Variants in GSE1 observed in about 807,000 individuals in gnomAD.
The protein encoded by GSE1 is genetic suppressor element 1.
A neutral mutation model predicts 112.6 loss-of-function variants in GSE1; 32 were observed. That is an observed-to-expected ratio of 0.28 (90% CI 0.21 to 0.38). The LOEUF is 0.38. Ranked by LOEUF, GSE1 falls within the 10% of genes least tolerant of loss-of-function variation. The pLI, the probability that GSE1 is intolerant of heterozygous loss-of-function variation, is 1.00. For missense variants in GSE1, 2,348 were observed against 1,699.2 expected (o/e 1.38, Z -6.71); for synonymous variants, 1,115 against 735.6 (o/e 1.52, Z -8.35).
At chr16:85,380,768 C>T (rs571484819) in intron 2 of GSE1, among the ~76,000 whole-genome samples, 3 of 152,296 alleles carry the variant, frequency 2.0e-5, no homozygotes, top group African/African-American at 4.8e-5. Context: ...CATCCAGCCT[C>T]GCAAACAGCC....
intron 1 of GSE1, among the ~76,000 whole-genome samples, chr16:85,319,450 C>T (rs1240168098): frequency 1.3e-5 from 2 of 152,208 alleles, no homozygotes; most frequent in East Asian, 3.9e-4. Context: ...AGAGCCTCCT[C>T]GTCCTCACCC....
chr16:85,222,086 C>T (rs2075403948), intron 1 of GSE1, among the ~76,000 whole-genome samples: 1 of 152,146 alleles, frequency 6.6e-6, no homozygotes, highest in African/African-American at 2.4e-5. Context: ...GGACAGGACA[C>T]TAGTCCTCTC....
intron 9 of GSE1, 106 bp downstream of exon 9, chr16:85,661,871 C>A: frequency 8.5e-7 from 1 of 1,182,670 alleles, no homozygotes; most frequent in South Asian, 1.6e-5. Flanking sequence ...CTGCTTTTTG[C>A]CTGGGGTAGT....
intron 1 of GSE1, among the ~76,000 whole-genome samples, chr16:85,574,841 T>C (rs562506665): frequency 3.9e-5 from 6 of 152,344 alleles, no homozygotes; most frequent in African/African-American, 1.4e-4. Context: ...TCACGGACCC[T>C]TGGGGGCTCC....
intron 6 of GSE1, 123 bp from the exon 7 acceptor site, chr16:85,656,220 C>A: frequency 8.0e-7 from 1 of 1,243,854 alleles, no homozygotes; most frequent in Non-Finnish European, 1.1e-6. Context: ...ACCCGGCTCA[C>A]CTCCCGTCAC....
intron 2 of GSE1, among the ~76,000 whole-genome samples, chr16:85,640,088 G>T (rs1358612933): frequency 6.6e-6 from 1 of 152,206 alleles, no homozygotes; most frequent in Non-Finnish European, 1.5e-5. Context: ...GGACAGTTCT[G>T]AGCAGGTGCT....
chr16:85,635,919 G>A (rs1171368968), intron 2 of GSE1, among the ~76,000 whole-genome samples: 4 of 150,772 alleles, frequency 2.7e-5, no homozygotes, highest in Middle Eastern at 3.4e-3. Context: ...AGCAGCGGCC[G>A]TGGGCGTCAC....
At chr16:85,338,229 C>T (rs1222896715) in intron 1 of GSE1, among the ~76,000 whole-genome samples, 2 of 152,256 alleles carry the variant, frequency 1.3e-5, no homozygotes, top group Non-Finnish European at 2.9e-5. Flanking sequence ...TCTTCCCCCT[C>T]AGCATCTCCA....
At chr16:85,654,514 G>C in intron 4 of GSE1, 64 bp downstream of exon 4, 1 of 1,404,740 alleles carries the variant, frequency 7.1e-7, no homozygotes, top group Non-Finnish European at 9.7e-7. Context: ...CAGGGTCTGG[G>C]TCCCCAGGCA....
At chr16:85,268,239 A>AG (rs371073148) in intron 1 of GSE1, among the ~76,000 whole-genome samples, 2 of 151,486 alleles carry the variant, frequency 1.3e-5, no homozygotes, top group African/African-American at 4.9e-5. Flanking sequence ...GGTGTGGCAC[A>AG]AGGGTTCTAT....
At chr16:85,506,239 C>T (rs1195631949) in intron 2 of GSE1, among the ~76,000 whole-genome samples, 1 of 152,180 alleles carries the variant, frequency 6.6e-6, no homozygotes, top group African/African-American at 2.4e-5. Context: ...ACATGTGGCT[C>T]TCCAGCATTT....
chr16:85,408,445 A>G (rs184732940), intron 2 of GSE1, among the ~76,000 whole-genome samples: 2 of 43,612 alleles, frequency 4.6e-5, no homozygotes, highest in Non-Finnish European at 8.4e-5. Context: ...CCTCACTGTT[A>G]CACTCAGGGA....
intron 1 of GSE1, among the ~76,000 whole-genome samples, chr16:85,254,346 G>T (rs1906835992): frequency 6.6e-6 from 1 of 152,194 alleles, no homozygotes; most frequent in Non-Finnish European, 1.5e-5. Context: ...CTGCAGACCT[G>T]GTTCTCCTGG....
intron 1 of GSE1, among the ~76,000 whole-genome samples, chr16:85,292,597 G>A (rs1313672725): frequency 1.3e-5 from 2 of 152,146 alleles, no homozygotes; most frequent in African/African-American, 4.8e-5. Context: ...AAAGTGCTGG[G>A]ATTACAGGCC....
chr16:85,177,283 A>G (rs917269025), intron 1 of GSE1, among the ~76,000 whole-genome samples: 3 of 152,104 alleles, frequency 2.0e-5, no homozygotes, highest in Non-Finnish European at 4.4e-5. Flanking sequence ...CTCTGCTGGG[A>G]GTGTCTTTGG....
At chr16:85,482,128 G>A (rs2050698647) in intron 2 of GSE1, among the ~76,000 whole-genome samples, 1 of 152,258 alleles carries the variant, frequency 6.6e-6, no homozygotes. Context: ...GCGGCTGTAG[G>A]AGGGAGGCCT....
chr16:85,350,044 T>C (rs142864861), intron 1 of GSE1, among the ~76,000 whole-genome samples: 1 of 152,180 alleles, frequency 6.6e-6, no homozygotes, highest in Admixed American at 6.5e-5. Context: ...TGGGTGACGT[T>C]GGGCAGCTGA....
At chr16:85,266,457 C>T (rs1040364293) in intron 1 of GSE1, among the ~76,000 whole-genome samples, 10 of 152,164 alleles carry the variant, frequency 6.6e-5, no homozygotes, top group African/African-American at 1.7e-4. Flanking sequence ...GCAGGGCTGG[C>T]ACCGAGGGTC....
chr16:85,526,639 C>T (rs2052373620), intron 2 of GSE1, among the ~76,000 whole-genome samples: 1 of 152,194 alleles, frequency 6.6e-6, no homozygotes, highest in South Asian at 2.1e-4. Flanking sequence ...AGGGGTGGGA[C>T]CACCTGCCCA....
Sources: allele counts gnomAD v4.1 joint callset (sites outside exome capture counted in the v4.1 genomes callset), GRCh38; gene constraint gnomAD v4.1.1; transcripts MANE v1.5; gene names NCBI Gene and HGNC (gene_info 2026-07-23, HGNC 2026-07-21).